ABCA4: variants seen among roughly 807,000 people sequenced by gnomAD.
The protein encoded by ABCA4 is ATP binding cassette subfamily A member 4.
Under a neutral mutation model 263.7 loss-of-function variants are expected in ABCA4, and 196 were observed. That is an observed-to-expected ratio of 0.74 (90% CI 0.66 to 0.84). The LOEUF is 0.84. Ranked by LOEUF, ABCA4 falls within the 40% of genes least tolerant of loss-of-function variation. The pLI, the probability that ABCA4 is intolerant of heterozygous loss-of-function variation, is 0.00. For missense variants in ABCA4, 2,792 were observed against 2,855.1 expected, an observed-to-expected ratio of 0.98 and a Z score of 0.50; for synonymous variants, 1,133 against 1,094.2, an observed-to-expected ratio of 1.04 and a Z score of -0.70.
intron 8 of ABCA4, 78 bp from the exon 9 acceptor site, chr1:94,079,539 T>A (rs1017800773): frequency 6.3e-7 from 1 of 1,594,750 alleles, no homozygotes; most frequent in African/African-American, 1.3e-5. Flanking sequence ...TGTATCCACA[T>A]CACATGTCTC....
Position 94,041,225 on chromosome 1 carries a change from T to C in ABCA4, c.3506A>G (p.Gln1169Arg), listed in dbSNP as rs776916571. ...GACACCTACCTCACTGCCTTTCCTTTGGCTCTGGATGTTTTTCATCTTGCG... is the reference window on the plus strand; with the variant it reads ...GACACCTACCTCACTGCCTTTCCTTCGGCTCTGGATGTTTTTCATCTTGCG... ...LVRKMKNIQS[Q>R]RKGSEGTCSC... Residue 1169 changes from glutamine (Q) to arginine (R), a missense_variant, in exon 23 of 50, where the codon CAA (glutamine) becomes CGA (arginine). By Grantham distance (43) the Gln-to-Arg change is conservative (BLOSUM62 1). Coordinates refer to ENST00000370225, the MANE Select transcript of ABCA4 (RefSeq NM_000350.3). The C allele has an allele frequency of 1.6e-5, 26 of 1,614,070 alleles. No individual in the cohort carries two copies. Among genetic ancestry groups the C allele is most frequent in the Non-Finnish European group, 1.9e-5 (23 of 1,180,042 alleles).
chr1:94,045,821 A>G (rs965424780), intron 19 of ABCA4: 2 of 456,152 alleles, frequency 4.4e-6, no homozygotes, highest in African/African-American at 4.0e-5. Context: ...GGGGCTCTCC[A>G]AAGGACTTGA....
intron 6 of ABCA4, among the ~76,000 whole-genome samples, chr1:94,091,754 G>A (rs1661974679): frequency 6.6e-6 from 1 of 152,194 alleles, no homozygotes; most frequent in African/African-American, 2.4e-5. Flanking sequence ...GGAAGATAAG[G>A]CTGTGAAGGG....
In ABCA4 at chr1:94,112,998, G is replaced by T; in HGVS notation, c.135C>A (p.Ala45=). 1 of 1,613,932 alleles carries T rather than the reference G, an allele frequency of 6.2e-7. No homozygotes were observed. Among genetic ancestry groups the T allele is most frequent in the Non-Finnish European group, 8.5e-7 (1 of 1,179,896 alleles). The change falls in exon 2 of 50, where the codon GCC becomes GCA. Residue 45 remains alanine, a synonymous_variant. Coordinates refer to ENST00000370225, the MANE Select transcript of ABCA4 (RefSeq NM_000350.3). The part of the protein sequence containing the change: ...LFLVLIWLRN[A]NPLYSHHECH... ...ATTCATGATGGCTGTAGAGTGGGTT[G>T]GCATTCCTTAACCAGATCAAGACCA...
At chr1:94,008,118 T>C (rs1659445338) in intron 42 of ABCA4, 117 bp downstream of exon 42, 2 of 923,712 alleles carry the variant, frequency 2.2e-6, no homozygotes, top group Admixed American at 2.0e-5. Context: ...AAATTACATA[T>C]GTGACTTGCA....
intron 38 of ABCA4, among the ~76,000 whole-genome samples, chr1:94,013,354 C>T (rs1316845627): frequency 2.0e-5 from 3 of 152,194 alleles, no homozygotes; most frequent in African/African-American, 4.8e-5. Context: ...CAGGGGTCCA[C>T]GGGTCTGGGC....
intron 5 of ABCA4, among the ~76,000 whole-genome samples, chr1:94,102,604 T>C (rs72960478): frequency 0.044 from 6,642 of 152,222 alleles, 288 homozygotes; most frequent in East Asian, 0.13. Context: ...GAGCATCGCC[T>C]GTGGCCCCAC....
intron 11 of ABCA4, among the ~76,000 whole-genome samples, chr1:94,064,072 C>A (rs1661202737): frequency 6.6e-6 from 1 of 152,174 alleles, no homozygotes; most frequent in African/African-American, 2.4e-5. Flanking sequence ...TCTTTAACCT[C>A]CTGTTCCTAT....
chr1:94,098,631 C>T (rs1040926095), intron 6 of ABCA4, among the ~76,000 whole-genome samples, 163 bp downstream of exon 6: 2 of 152,184 alleles, frequency 1.3e-5, no homozygotes, highest in African/African-American at 4.8e-5. Context: ...GGCCACTGTT[C>T]TAGAAATACT....
rs764333929 is a variant in ABCA4, at chr1:94,014,694, T to C, written c.5313-4A>G. The C allele has an allele frequency of 1.1e-5, 18 of 1,614,030 alleles. No homozygotes were observed. Among genetic ancestry groups the C allele is most frequent in the East Asian group, 1.1e-4 (5 of 44,886 alleles). On this transcript the variant is annotated splice_polypyrimidine_tract_variant and splice_region_variant and intron_variant, in intron 37 of 49. Coordinates refer to ENST00000370225, the MANE Select transcript of ABCA4 (RefSeq NM_000350.3). Reference sequence around the variant, plus strand: ...CATCATGGGAATGACCGCCCATCTGTGTGAAATGAGACAACTCAGAGTGAT... The same window carrying C: ...CATCATGGGAATGACCGCCCATCTGCGTGAAATGAGACAACTCAGAGTGAT...
chr1:94,109,994 G>T (rs1011766226), intron 3 of ABCA4, among the ~76,000 whole-genome samples: 3 of 152,004 alleles, frequency 2.0e-5, no homozygotes, highest in Non-Finnish European at 2.9e-5. Context: ...TATAGACACT[G>T]CCAGGGCCGT....
At chr1:94,088,253 A>G (rs1661884148) in intron 6 of ABCA4, among the ~76,000 whole-genome samples, 1 of 152,150 alleles carries the variant, frequency 6.6e-6, no homozygotes, top group Non-Finnish European at 1.5e-5. Flanking sequence ...GTCGTCTGTG[A>G]CACTGCTTTT....
At chr1:94,001,402 G>A (rs1659178426) in intron 45 of ABCA4, 2 of 525,606 alleles carry the variant, frequency 3.8e-6, no homozygotes, top group South Asian at 4.0e-5. Flanking sequence ...AAATACATTT[G>A]TCAGAAGGCA....
chr1:94,054,367 A>C (rs1488744130), intron 16 of ABCA4, among the ~76,000 whole-genome samples: 1 of 152,186 alleles, frequency 6.6e-6, no homozygotes, highest in Non-Finnish European at 1.5e-5. Flanking sequence ...TGTTCCCCAA[A>C]ATAAAGTAGG....
At chr1:94,067,408 G>C (rs75845257) in intron 11 of ABCA4, among the ~76,000 whole-genome samples, 1 of 152,136 alleles carries the variant, frequency 6.6e-6, no homozygotes, top group Non-Finnish European at 1.5e-5. Context: ...GGTTTATCAG[G>C]CAGCTGATTC....
chr1:94,044,608 C>CT lies in ABCA4; in HGVS notation c.3050+4dup, dbSNP rs2101053365. 1 of 1,614,184 alleles carries CT rather than the reference C, an allele frequency of 6.2e-7. No homozygotes were observed. Among genetic ancestry groups the CT allele is most frequent in the Non-Finnish European group, 8.5e-7 (1 of 1,180,030 alleles). On this transcript the variant is annotated splice_donor_region_variant and intron_variant, in intron 20 of 49. Transcript: ENST00000370225. ...TGGGGCGGTCTCAGTTCCTGTGTCG[C>CT]TTACTGGTGGAACAGGATGTTGTGC...
chr1:94,048,914 G>T lies in ABCA4; in HGVS notation c.2697C>A (p.Pro899=). The T allele has an allele frequency of 6.2e-7, 1 of 1,614,014 alleles. No homozygotes were observed. Among genetic ancestry groups the T allele is most frequent in the Non-Finnish European group, 8.5e-7 (1 of 1,180,020 alleles). Reference sequence around the variant, plus strand: ...CTGGATCCTCCGTTTCCTCTGTTAGGGGCTCGGTCTTTTCCAGGGCTCTTT... The same window carrying T: ...CTGGATCCTCCGTTTCCTCTGTTAGTGGCTCGGTCTTTTCCAGGGCTCTTT... ...REERALEKTE[P]LTEETEDPEH... Residue 899 remains proline (P), a synonymous_variant, in exon 18 of 50, where the codon CCC becomes CCA. Coordinates refer to ENST00000370225, the MANE Select transcript of ABCA4 (RefSeq NM_000350.3).
chr1:94,024,151 C>T (rs577874450), intron 31 of ABCA4, among the ~76,000 whole-genome samples: 56 of 152,300 alleles, frequency 3.7e-4, no homozygotes, highest in Non-Finnish European at 6.9e-4. Flanking sequence ...ATTTATCCCT[C>T]GTTCAGGGCT....
chr1:94,072,418 A>G (rs908037767), intron 11 of ABCA4, among the ~76,000 whole-genome samples: 1 of 152,208 alleles, frequency 6.6e-6, no homozygotes, highest in African/African-American at 2.4e-5. Context: ...AAAATCAAAT[A>G]TATTATGAAA....
Sources: gnomAD v4.1 joint callset for allele counts (sites outside exome capture counted in the v4.1 genomes callset) on GRCh38, gnomAD v4.1.1 for gene constraint, MANE v1.5 for transcripts, NCBI Gene and HGNC (gene_info 2026-07-23, HGNC 2026-07-21) for gene names.